RELCH: variants seen among roughly 807,000 people sequenced by gnomAD.
RELCH encodes RAB11-binding protein RELCH.
In RELCH, 41 loss-of-function variants were observed where a neutral mutation model predicts 150.3. The observed-to-expected ratio is 0.27, with a 90% confidence interval of 0.21 to 0.35. The LOEUF (loss-of-function observed/expected upper bound fraction) is 0.35, where lower values mean the gene tolerates loss of function less well. RELCH is among the 10% of genes least tolerant of loss of function. The pLI is 1.00. For synonymous variants in RELCH, 478 were observed against 531.8 expected, an observed-to-expected ratio of 0.90 and a Z score of 1.39; for missense variants, 1,092 against 1,467.8, an observed-to-expected ratio of 0.74 and a Z score of 4.18.
In RELCH at chr18:62,228,591, C is replaced by A; in HGVS notation, c.1441C>A (p.Pro481Thr). ...TAAAAAGACAGTTCATTTTGATAAACCTAATAGGTTAGTATGCATCCTATA... is the reference window on the plus strand; with the variant it reads ...TAAAAAGACAGTTCATTTTGATAAAACTAATAGGTTAGTATGCATCCTATA... ...SSKKTVHFDK[P>T]NRKLSPAFHQ... The change falls in exon 8 of 29, where the codon CCT becomes ACT. Residue 481 changes from proline (P) to threonine (T), a missense_variant. Coordinates refer to ENST00000644646, the MANE Select transcript of RELCH (RefSeq NM_001346231.2). The A allele has an allele frequency of 6.2e-7, 1 of 1,606,358 alleles. No individual in the cohort carries two copies. The highest frequency in any genetic ancestry group is 8.5e-7 in the Non-Finnish European group (1 of 1,175,860).
At chr18:62,207,598 C>T (rs2039887979) in intron 1 of RELCH, among the ~76,000 whole-genome samples, 1 of 152,180 alleles carries the variant, frequency 6.6e-6, no homozygotes. Context: ...ATACCATTCC[C>T]ACCAGCTAGA....
Position 62,228,461 on chromosome 18 carries a change from T to A in RELCH, c.1311T>A (p.His437Gln). 6.2e-7 allele frequency: 1 copy of A among 1,613,338 alleles called. No homozygotes were observed. The highest frequency in any genetic ancestry group is 8.5e-7 in the Non-Finnish European group (1 of 1,179,594). ...ACAAGGGAAAAAACACAGACATCCA[T>A]CTTTCAATATCAGATGAAGCTGATT... ...SSDKGKNTDI[H>Q]LSISDEADST... The change falls in exon 8 of 29, where the codon CAT becomes CAA. Residue 437 changes from histidine (H) to glutamine (Q), a missense_variant. Around this residue, in one of 4 missense-constraint regions of RELCH, gnomAD observed 707 missense variants for 1,025.4 expected, o/e 0.69. Transcript: ENST00000644646.
intron 1 of RELCH, among the ~76,000 whole-genome samples, chr18:62,188,727 T>C (rs1275201079): frequency 2.0e-5 from 3 of 152,224 alleles, no homozygotes; most frequent in African/African-American, 7.2e-5. Context: ...AGATAGGAAT[T>C]GACCTTTTTA....
chr18:62,303,758 G>T (rs1317081344), intron 28 of RELCH, among the ~76,000 whole-genome samples: 1 of 152,186 alleles, frequency 6.6e-6, no homozygotes, highest in Non-Finnish European at 1.5e-5. Context: ...AGTGACAGTG[G>T]TATGGAAAAA....
chr18:62,267,111 T>C (rs17069675), intron 19 of RELCH, among the ~76,000 whole-genome samples: 15,229 of 151,912 alleles, frequency 0.1, 907 homozygotes, highest in East Asian at 0.19. Context: ...TATAATACTT[T>C]TAAAAATTAA....
chr18:62,264,396 C>T (rs866945545), intron 17 of RELCH, among the ~76,000 whole-genome samples: 2 of 152,010 alleles, frequency 1.3e-5, no homozygotes, highest in Non-Finnish European at 2.9e-5. Flanking sequence ...TAAACTACAT[C>T]TAGACTTCTC....
chr18:62,291,009 T>C (rs1370108470), intron 26 of RELCH, among the ~76,000 whole-genome samples: 3 of 152,222 alleles, frequency 2.0e-5, no homozygotes, highest in East Asian at 3.8e-4. Context: ...AATGCAGTTG[T>C]CTATGATTTG....
Position 62,209,977 on chromosome 18 carries a change from C to CG in RELCH, c.527-1176_527-1175insG, listed in dbSNP as rs2040056752. On this transcript the variant is annotated intron_variant, in intron 1 of 28. Transcript: ENST00000644646. ...TCCCATGTTCTGCAACTTTGAAAAA[C>CG]TCATTTGTTACGTCTAATGTTTTTC... is the stretch of plus-strand genomic sequence containing the variant. 2.0e-5 allele frequency among the ~76,000 whole-genome samples: 3 copies of CG among 152,266 alleles called. No homozygotes were observed. The South Asian group carries it at 6.2e-4, about 32-fold the overall frequency.
At chr18:62,191,332 A>G (rs1430584164) in intron 1 of RELCH, among the ~76,000 whole-genome samples, 1 of 152,054 alleles carries the variant, frequency 6.6e-6, no homozygotes, top group African/African-American at 2.4e-5. Context: ...TTTAATTTCT[A>G]TTTCCCTGAT....
chr18:62,241,615 A>G (rs1302571501), intron 10 of RELCH, among the ~76,000 whole-genome samples: 2 of 152,116 alleles, frequency 1.3e-5, no homozygotes, highest in Admixed American at 1.3e-4. Flanking sequence ...TCTTTCAAAG[A>G]TATTTTTAGA....
intron 7 of RELCH, among the ~76,000 whole-genome samples, 161 bp from the exon 8 acceptor site, chr18:62,228,144 C>G (rs2041328063): frequency 6.6e-6 from 1 of 152,102 alleles, no homozygotes; most frequent in African/African-American, 2.4e-5. Context: ...GTATATGAAG[C>G]ATCAGTGAAT....
At chr18:62,265,182 C>A (rs2043487838) in intron 18 of RELCH, among the ~76,000 whole-genome samples, 1 of 152,058 alleles carries the variant, frequency 6.6e-6, no homozygotes, top group African/African-American at 2.4e-5. Context: ...CTGGTACTTA[C>A]TGTCTATCAC....
intron 1 of RELCH, among the ~76,000 whole-genome samples, chr18:62,195,280 C>CTGTGTGTGTGTGTGTGTG (rs148387504): frequency 1.1e-4 from 15 of 136,332 alleles, no homozygotes; most frequent in African/African-American, 2.6e-4. Flanking sequence ...TACACACACT[C>CTGTGTGTGTGTGTGTGTG]TGTGTGTGTG....
Position 62,264,843 on chromosome 18 carries a change from A to G in RELCH, c.2622A>G (p.Thr874=). Residue 874 remains threonine (T), a synonymous_variant, in exon 18 of 29, where the codon ACA becomes ACG. Transcript: ENST00000644646. ...GCCGGACATTTGGCAAAATTTTTAC[A>G]AACACTAAGGTAAAAACTTGTATTC... ...RLCRTFGKIF[T]NTKVKPQFQE... is the part of the protein sequence containing the mutation. The G allele has an allele frequency of 6.2e-7, 1 of 1,608,800 alleles. No homozygotes were observed. The highest frequency in any genetic ancestry group is 8.5e-7 in the Non-Finnish European group (1 of 1,177,464).
At chr18:62,188,256 C>A (rs2038301814) in intron 1 of RELCH, among the ~76,000 whole-genome samples, 1 of 152,170 alleles carries the variant, frequency 6.6e-6, no homozygotes, top group Admixed American at 6.5e-5. Context: ...GCTCCTGGCT[C>A]CCCTACTGGT....
At chr18:62,271,647 C>A (rs574982033) in intron 20 of RELCH, among the ~76,000 whole-genome samples, 4 of 152,266 alleles carry the variant, frequency 2.6e-5, no homozygotes, top group Admixed American at 1.3e-4. Context: ...GTGTTTTAGT[C>A]ATGAAGTCCT....
At chr18:62,217,083 C>T (rs1340298010) in intron 2 of RELCH, among the ~76,000 whole-genome samples, 2 of 151,838 alleles carry the variant, frequency 1.3e-5, no homozygotes, top group East Asian at 3.9e-4. Context: ...AAAAAGAATA[C>T]ATCATTGTGG....
At chr18:62,249,803 T>A (rs1020722226) in intron 11 of RELCH, among the ~76,000 whole-genome samples, 9 of 151,982 alleles carry the variant, frequency 5.9e-5, no homozygotes, top group African/African-American at 2.2e-4. Flanking sequence ...AAATATAAAT[T>A]TACTAAAATA....
chr18:62,237,357 T>G (rs1414970285), intron 10 of RELCH, among the ~76,000 whole-genome samples: 1 of 151,804 alleles, frequency 6.6e-6, no homozygotes, highest in Non-Finnish European at 1.5e-5. Flanking sequence ...GTCTAGAATT[T>G]CTGTACAGTA....
Sources: allele counts gnomAD v4.1 joint callset (sites outside exome capture counted in the v4.1 genomes callset), GRCh38; gene constraint gnomAD v4.1.1; regional missense constraint gnomAD v4.1.1; transcripts MANE v1.5; gene names NCBI Gene and HGNC (gene_info 2026-07-23, HGNC 2026-07-21).